NAV3: variants seen among roughly 807,000 people sequenced by gnomAD.
The protein encoded by NAV3 is neuron navigator 3, also known as pore membrane and/or filament interacting like protein 1.
A neutral mutation model predicts 244.7 loss-of-function variants in NAV3; 87 were observed. The ratio of observed to expected loss-of-function variants is 0.36; its 90% CI spans 0.30 to 0.42. The LOEUF (loss-of-function observed/expected upper bound fraction) is 0.42, where lower values mean the gene tolerates loss of function less well. NAV3 is among the 20% of genes least tolerant of loss of function. The probability of loss-of-function intolerance (pLI) is 1.00; values close to 1 mark genes in which losing one functional copy is unlikely to be tolerated. For synonymous variants in NAV3, 1,126 were observed against 1,042.2 expected (o/e 1.08, Z -1.55); for missense variants, 2,663 against 2,893.3 (o/e 0.92, Z 1.83).
chr12:77,952,711 T>G (rs1731702), intron 3 of NAV3, among the ~76,000 whole-genome samples: 1 of 152,042 alleles, frequency 6.6e-6, no homozygotes, highest in African/African-American at 2.4e-5. Context: ...GCTTCTCCCT[T>G]CCCTATGCCC....
Position 77,831,219 on chromosome 12 carries a change from AAGAG to A in NAV3, c.-229_-226del, listed in dbSNP as rs1437775874. ...ACAGAGAGAGAGAGAGAGAGAGAGA[AAGAG>A]AGAGAGAGAGAGAATGAGAATGAAT... On this transcript the variant is annotated 5_prime_UTR_variant, in exon 1 of 40. Coordinates refer to ENST00000397909, the MANE Select transcript of NAV3 (RefSeq NM_001024383.2). The A allele has an allele frequency of 2.7e-5, 4 of 147,632 alleles. No homozygotes were observed. The highest frequency in any genetic ancestry group is 2.5e-5 in the Non-Finnish European group (2 of 81,350). 9.1% of individuals were successfully genotyped at this position (147,632 alleles called of 1,614,324 possible).
chr12:78,000,106 A>C (rs550006447), intron 7 of NAV3, among the ~76,000 whole-genome samples: 1 of 152,198 alleles, frequency 6.6e-6, no homozygotes, highest in Non-Finnish European at 1.5e-5. Flanking sequence ...TCTGGCATCT[A>C]TTAGTAAAAT....
At chr12:77,861,701 G>T (rs183232522) in intron 1 of NAV3, among the ~76,000 whole-genome samples, 2 of 151,822 alleles carry the variant, frequency 1.3e-5, no homozygotes, top group Admixed American at 6.6e-5. Context: ...GCTGGGAAGG[G>T]GGTAGATTAT....
intron 30 of NAV3, among the ~76,000 whole-genome samples, chr12:78,184,847 G>A (rs1243035687): frequency 6.6e-6 from 1 of 151,616 alleles, no homozygotes; most frequent in Non-Finnish European, 1.5e-5. Flanking sequence ...TTAAAGGAAA[G>A]CATATATTTG....
intron 1 of NAV3, among the ~76,000 whole-genome samples, chr12:77,858,676 G>A (rs746914729): frequency 1.3e-4 from 19 of 151,968 alleles, no homozygotes; most frequent in Non-Finnish European, 2.7e-4. Context: ...CTTTTCTTCA[G>A]GGAAGGCAAA....
chr12:77,762,142 G>T (rs890930524), intron 2 of NAV3, among the ~76,000 whole-genome samples: 1 of 152,126 alleles, frequency 6.6e-6, no homozygotes, highest in African/African-American at 2.4e-5. Flanking sequence ...CATGGATGAA[G>T]CTGGAAACCA....
chr12:78,075,843 C>T (rs1440415521), intron 12 of NAV3, among the ~76,000 whole-genome samples: 1 of 152,128 alleles, frequency 6.6e-6, no homozygotes, highest in Non-Finnish European at 1.5e-5. Flanking sequence ...GTGAGGCCCT[C>T]CTCTGATTAA....
intron 2 of NAV3, among the ~76,000 whole-genome samples, chr12:77,741,148 C>CAAAAAAAAAAAAAAAACA (rs1868322686): frequency 1.5e-5 from 1 of 68,668 alleles, no homozygotes; most frequent in Non-Finnish European, 2.7e-5. Context: ...AAAAAAAAGA[C>CAAAAAAAAAAAAAAAACA]AAAAAAAAAA....
intron 3 of NAV3, among the ~76,000 whole-genome samples, chr12:77,964,589 C>G (rs1275166079): frequency 7.2e-5 from 11 of 152,058 alleles, no homozygotes; most frequent in Admixed American, 7.2e-4. Context: ...TCTTTTCCTT[C>G]CTTATATAAT....
intron 18 of NAV3, among the ~76,000 whole-genome samples, chr12:78,134,433 A>G (rs1956289718): frequency 6.6e-6 from 1 of 152,224 alleles, no homozygotes. Flanking sequence ...ATTTTCCTGA[A>G]TCTTCACCTA....
intron 9 of NAV3, among the ~76,000 whole-genome samples, chr12:78,046,816 A>T (rs2137166775): frequency 6.6e-6 from 1 of 152,270 alleles, no homozygotes; most frequent in South Asian, 2.1e-4. Context: ...GATCTGTCTC[A>T]TACTGACAGT....
At chr12:78,152,499 G>C (rs1957114590) in intron 22 of NAV3, among the ~76,000 whole-genome samples, 1 of 151,612 alleles carries the variant, frequency 6.6e-6, no homozygotes, top group Non-Finnish European at 1.5e-5. Context: ...TTAATTACAA[G>C]TCATTTTGAA....
chr12:78,069,933 T>C (rs1952670977), intron 12 of NAV3, among the ~76,000 whole-genome samples: 1 of 152,088 alleles, frequency 6.6e-6, no homozygotes, highest in Admixed American at 6.6e-5. Context: ...GGAATTATAG[T>C]TTGTTGCAAT....
chr12:78,050,430 G>A (rs767497586), intron 10 of NAV3, among the ~76,000 whole-genome samples: 1 of 152,208 alleles, frequency 6.6e-6, no homozygotes, highest in Non-Finnish European at 1.5e-5. Flanking sequence ...CATCTGGGCA[G>A]GGTAGTAGGG....
At chr12:77,607,023 A>G (rs527414673) in intron 2 of NAV3, among the ~76,000 whole-genome samples, 2 of 152,264 alleles carry the variant, frequency 1.3e-5, no homozygotes, top group South Asian at 4.1e-4. Context: ...AAAAACATTC[A>G]CTATAATTAA....
intron 2 of NAV3, among the ~76,000 whole-genome samples, chr12:77,766,601 C>T (rs937419415): frequency 2.0e-5 from 3 of 152,104 alleles, no homozygotes; most frequent in African/African-American, 7.2e-5. Flanking sequence ...AGGATAGTTA[C>T]AGGGCATCTG....
chr12:77,873,760 A>C (rs1881413928), intron 1 of NAV3, among the ~76,000 whole-genome samples: 1 of 116,018 alleles, frequency 8.6e-6, no homozygotes. Flanking sequence ...ATATATATAT[A>C]TATATATGTA....
chr12:77,663,558 G>A (rs1006888891), intron 2 of NAV3, among the ~76,000 whole-genome samples: 1 of 103,054 alleles, frequency 9.7e-6, no homozygotes, highest in African/African-American at 4.3e-5. Context: ...TTTTGCTCTT[G>A]TTGCCCAGGC....
chr12:78,019,852 G>A (rs1210878198), intron 8 of NAV3, among the ~76,000 whole-genome samples: 1 of 152,072 alleles, frequency 6.6e-6, no homozygotes, highest in East Asian at 1.9e-4. Flanking sequence ...TCAGGACCAG[G>A]TTTGTTAATA....
Sources: allele counts gnomAD v4.1 joint callset (sites outside exome capture counted in the v4.1 genomes callset), GRCh38; gene constraint gnomAD v4.1.1; transcripts MANE v1.5; gene names NCBI Gene and HGNC (gene_info 2026-07-23, HGNC 2026-07-21).